The following CNGB1 variants were observed in gnomAD, a reference collection of about 807,000 sequenced individuals.
CNGB1 encodes cyclic nucleotide-gated channel beta-1.
Under a neutral mutation model 151.7 loss-of-function variants are expected in CNGB1, and 126 were observed. The observed-to-expected ratio is 0.83, with a 90% CI of 0.72 to 0.96. CNGB1 has a LOEUF of 0.96. Ranked by LOEUF, CNGB1 falls within the 40% of genes least tolerant of loss-of-function variation. The probability of loss-of-function intolerance (pLI) is 0.00; values close to 1 mark genes in which losing one functional copy is unlikely to be tolerated. For synonymous variants in CNGB1, 623 were observed against 635.1 expected (o/e 0.98, Z 0.29); for missense variants, 1,698 against 1,627.0 (o/e 1.04, Z -0.75).
intron 27 of CNGB1, among the ~76,000 whole-genome samples, chr16:57,902,079 T>C (rs895599768): frequency 1.3e-5 from 2 of 152,050 alleles, no homozygotes; most frequent in South Asian, 4.1e-4. Flanking sequence ...GTTGTTGTTG[T>C]TGTTGTTGTT....
intron 10 of CNGB1, among the ~76,000 whole-genome samples, chr16:57,959,680 G>C (rs369482326): frequency 1.3e-5 from 2 of 152,210 alleles, no homozygotes; most frequent in South Asian, 2.1e-4. Context: ...GGTGTGTGTT[G>C]AAGAAAAGAA....
chr16:57,884,580 G>A (rs76451605), intron 32 of CNGB1, 123 bp from the exon 33 acceptor site: 13 of 993,820 alleles, frequency 1.3e-5, no homozygotes, highest in Non-Finnish European at 2.0e-5. Context: ...CACACAGCGG[G>A]TGAAATCTAG....
At position 57,923,337 on chromosome 16, in the gene CNGB1, C is replaced by T; in HGVS notation, c.1579G>A (p.Ala527Thr). ...ACTGGGGACTCTGCTGGTGACAACG[C>T]CTTGAGCTCTTCAGCCTCATCATCC... ...SEDDEAEELK[A>T]LSPAESPVVA... is the part of the protein sequence containing the mutation. The change falls in exon 18 of 33, where the codon GCG becomes ACG. Residue 527 changes from alanine to threonine, a missense_variant. Physicochemically the swap from Ala to Thr is moderately conservative, Grantham distance 58 (BLOSUM62 0). Transcript: ENST00000251102. The T allele has an allele frequency of 2.5e-6, 4 of 1,613,678 alleles. No individual in the cohort carries two copies. The highest frequency in any genetic ancestry group is 3.4e-6 in the Non-Finnish European group (4 of 1,179,902).
chr16:57,899,124 G>A (rs1323260299), intron 29 of CNGB1, among the ~76,000 whole-genome samples: 1 of 152,130 alleles, frequency 6.6e-6, no homozygotes, highest in Non-Finnish European at 1.5e-5. Context: ...AGTGTCCCGC[G>A]GCAGCCTGGA....
chr16:57,965,760 G>A (rs1409549036), intron 2 of CNGB1, among the ~76,000 whole-genome samples: 1 of 152,050 alleles, frequency 6.6e-6, no homozygotes, highest in African/African-American at 2.4e-5. Flanking sequence ...ACACTAGCAT[G>A]TCACACAAGC....
intron 29 of CNGB1, among the ~76,000 whole-genome samples, chr16:57,899,762 C>T (rs1960336335): frequency 6.6e-6 from 1 of 152,124 alleles, no homozygotes; most frequent in Non-Finnish European, 1.5e-5. Flanking sequence ...ATGCATGACC[C>T]CCTTAACAAA....
intron 23 of CNGB1, among the ~76,000 whole-genome samples, chr16:57,914,042 T>A (rs1176296445): frequency 6.6e-6 from 1 of 152,216 alleles, no homozygotes; most frequent in African/African-American, 2.4e-5. Context: ...TAAGGGATAT[T>A]CCAGTTATCA....
chr16:57,969,649 G>A (rs1326299960), intron 1 of CNGB1, among the ~76,000 whole-genome samples: 1 of 152,152 alleles, frequency 6.6e-6, no homozygotes, highest in Non-Finnish European at 1.5e-5. Context: ...TTTAAAAAAA[G>A]AAAGAAAGAA....
At chr16:57,957,478 C>G in intron 11 of CNGB1, 101 bp from the exon 12 acceptor site, 3 of 985,130 alleles carry the variant, frequency 3.0e-6, no homozygotes, top group East Asian at 5.0e-5. Context: ...CCCACCTCTC[C>G]GGGCCTTAGT....
At chr16:57,909,005 C>T (rs1960635182) in intron 25 of CNGB1, among the ~76,000 whole-genome samples, 1 of 152,188 alleles carries the variant, frequency 6.6e-6, no homozygotes, top group Non-Finnish European at 1.5e-5. Flanking sequence ...ATGAGGTGCA[C>T]ACCTGTAACT....
chr16:57,954,997 C>T, intron 12 of CNGB1: 1 of 1,132,844 alleles, frequency 8.8e-7, no homozygotes, highest in Non-Finnish European at 1.1e-6. Flanking sequence ...AATCCTCCTG[C>T]CTCAGCCTCC....
intron 19 of CNGB1, 34 bp from the exon 20 acceptor site, chr16:57,919,288 C>A: frequency 2.5e-6 from 4 of 1,613,828 alleles, no homozygotes; most frequent in Non-Finnish European, 3.4e-6. Flanking sequence ...TCTGAACCAG[C>A]CCTGAGGCCC....
chr16:57,922,288 C>G (rs1000540448), intron 18 of CNGB1, among the ~76,000 whole-genome samples: 1 of 152,094 alleles, frequency 6.6e-6, no homozygotes, highest in Non-Finnish European at 1.5e-5. Flanking sequence ...AGCCCAGGGC[C>G]CGGGTATTCG....
chr16:57,917,653 C>G (rs1294794648), intron 20 of CNGB1, among the ~76,000 whole-genome samples, 177 bp from the exon 21 acceptor site: 1 of 148,826 alleles, frequency 6.7e-6, no homozygotes, highest in Admixed American at 6.7e-5. Flanking sequence ...CACACACATA[C>G]ACACACACAC....
At chr16:57,960,141 C>G in intron 9 of CNGB1, 76 bp from the exon 10 acceptor site, 3 of 1,527,306 alleles carry the variant, frequency 2.0e-6, no homozygotes, top group Admixed American at 2.0e-5. Context: ...GGCACGGGGC[C>G]AGATTCGAGT....
At chr16:57,944,080 G>T (rs1961740447) in intron 14 of CNGB1, among the ~76,000 whole-genome samples, 1 of 151,784 alleles carries the variant, frequency 6.6e-6, no homozygotes, top group African/African-American at 2.4e-5. Flanking sequence ...TAGAGTCGGG[G>T]TTTCACCATG....
intron 14 of CNGB1, among the ~76,000 whole-genome samples, chr16:57,948,512 T>G (rs1467707481): frequency 6.6e-6 from 1 of 152,060 alleles, no homozygotes; most frequent in Admixed American, 6.6e-5. Context: ...GTCTCTGCCC[T>G]GCTCACTGGT....
Position 57,904,806 on chromosome 16 carries a change from T to G in CNGB1, c.2562A>C (p.Thr854=). The part of the protein sequence containing the change: ...ITIGGLPDPK[T]LFEIVFQLLN... ...GCAGCTGGAAGACAATTTCAAAGAG[T>G]GTCTTGGGGTCAGGCAGCCCCCCGA... Residue 854 remains threonine, a synonymous_variant, in exon 26 of 33, where the codon ACA becomes ACC. Transcript: ENST00000251102. 6.2e-7 allele frequency: 1 copy of G among 1,612,970 alleles called. No homozygotes were observed. The highest frequency in any genetic ancestry group is 1.1e-5 in the South Asian group (1 of 90,982).
At chr16:57,923,891 G>A (rs769415493) in intron 17 of CNGB1, among the ~76,000 whole-genome samples, 2 of 152,082 alleles carry the variant, frequency 1.3e-5, no homozygotes, top group Admixed American at 6.5e-5. Context: ...CCGCCTTACG[G>A]TGTGACCTTA....
Sources: allele counts gnomAD v4.1 joint callset (sites outside exome capture counted in the v4.1 genomes callset), GRCh38; gene constraint gnomAD v4.1.1; transcripts MANE v1.5; gene names NCBI Gene and HGNC (gene_info 2026-07-23, HGNC 2026-07-21).